The following ESRRG variants were observed in gnomAD, a reference collection of about 807,000 sequenced individuals.
The protein encoded by ESRRG is estrogen related receptor gamma, also known as estrogen-related receptor gamma.
In ESRRG, 13 loss-of-function variants were observed where a neutral mutation model predicts 44.0. The ratio of observed to expected loss-of-function variants is 0.30; its 90% CI spans 0.19 to 0.47. The LOEUF (loss-of-function observed/expected upper bound fraction) is 0.47. ESRRG is among the 20% of genes least tolerant of loss of function. The probability of loss-of-function intolerance (pLI) is 1.00; values close to 1 mark genes in which losing one functional copy is unlikely to be tolerated. For synonymous variants in ESRRG, 215 were observed against 214.6 expected (o/e 1.00, Z -0.02); for missense variants, 395 against 580.6 (o/e 0.68, Z 3.29).
At chr1:216,672,006 C>CA (rs1157267709) in intron 2 of ESRRG, among the ~76,000 whole-genome samples, 59 of 138,586 alleles carry the variant, frequency 4.3e-4, no homozygotes, top group African/African-American at 9.6e-4. Context: ...GAGAAGTTCC[C>CA]AAAAAAAAAG....
At chr1:216,760,266 A>C (rs17630096) in intron 2 of ESRRG, among the ~76,000 whole-genome samples, 4 of 151,650 alleles carry the variant, frequency 2.6e-5, no homozygotes, top group Non-Finnish European at 5.9e-5. Flanking sequence ...CCAATAAAAA[A>C]ATCTCAAATT....
intron 5 of ESRRG, among the ~76,000 whole-genome samples, chr1:216,562,422 C>T (rs144245998): frequency 1.2e-4 from 18 of 152,204 alleles, no homozygotes; most frequent in African/African-American, 3.6e-4. Context: ...CTCAAATCTC[C>T]TTATCTTTGA....
At chr1:216,737,595 T>C (rs2090116374) in intron 2 of ESRRG, among the ~76,000 whole-genome samples, 2 of 152,128 alleles carry the variant, frequency 1.3e-5, no homozygotes, top group African/African-American at 4.8e-5. Flanking sequence ...GCCCAGGTCC[T>C]GGAATCATTA....
chr1:216,550,105 C>T (rs2055826769), intron 5 of ESRRG, among the ~76,000 whole-genome samples: 3 of 152,112 alleles, frequency 2.0e-5, no homozygotes, highest in Admixed American at 6.6e-5. Flanking sequence ...GCATGAACCG[C>T]TAGGAATAAT....
At chr1:216,953,595 T>C (rs1008899001) in intron 1 of ESRRG, among the ~76,000 whole-genome samples, 24 of 152,080 alleles carry the variant, frequency 1.6e-4, no homozygotes, top group African/African-American at 5.3e-4. Context: ...CCTGCTTGCT[T>C]TCCTTTGAAC....
chr1:216,758,442 G>A (rs1301935726), intron 2 of ESRRG, among the ~76,000 whole-genome samples: 1 of 152,018 alleles, frequency 6.6e-6, no homozygotes, highest in East Asian at 1.9e-4. Context: ...TTAATCTATT[G>A]CAAGTCAAGG....
intron 1 of ESRRG, among the ~76,000 whole-genome samples, chr1:217,083,883 A>G (rs762619501): frequency 6.6e-6 from 1 of 152,220 alleles, no homozygotes; most frequent in Non-Finnish European, 1.5e-5. Flanking sequence ...AAGAAAAGCT[A>G]TAACTTGCTA....
At chr1:216,997,503 T>C (rs1229570723) in intron 1 of ESRRG, among the ~76,000 whole-genome samples, 1 of 152,220 alleles carries the variant, frequency 6.6e-6, no homozygotes, top group African/African-American at 2.4e-5. Flanking sequence ...AGGAACATGG[T>C]TCTACTGAGT....
chr1:216,723,716 T>C (rs2086895438), upstream of ESRRG, among the ~76,000 whole-genome samples: 2 of 151,216 alleles, frequency 1.3e-5, no homozygotes, highest in Non-Finnish European at 1.5e-5. Context: ...TGATTTTTTT[T>C]CCTCCCTTCT....
chr1:216,559,328 A>G (rs1397129401), intron 5 of ESRRG, among the ~76,000 whole-genome samples: 1 of 152,250 alleles, frequency 6.6e-6, no homozygotes, highest in Non-Finnish European at 1.5e-5. Flanking sequence ...CTGAAAAAAG[A>G]GGCTACAAGT....
intron 1 of ESRRG, among the ~76,000 whole-genome samples, chr1:216,721,375 A>T (rs977040320): frequency 6.6e-6 from 1 of 152,242 alleles, no homozygotes; most frequent in African/African-American, 2.4e-5. Flanking sequence ...TCTGTGGTTT[A>T]TTAATTGAGA....
intron 2 of ESRRG, among the ~76,000 whole-genome samples, chr1:216,742,075 G>C (rs888370819): frequency 3.3e-5 from 5 of 152,040 alleles, no homozygotes; most frequent in African/African-American, 1.2e-4. Context: ...TTCATAACCT[G>C]ACCCAAACCC....
intron 1 of ESRRG, among the ~76,000 whole-genome samples, chr1:217,046,468 C>G (rs1417548430): frequency 6.6e-6 from 1 of 152,196 alleles, no homozygotes; most frequent in African/African-American, 2.4e-5. Context: ...CAAGAATCTT[C>G]TAATTATTTA....
chr1:216,569,111 A>AG lies in ESRRG; in HGVS notation c.590-1014dup, dbSNP rs1553355981. Among the ~76,000 whole-genome samples, 116 of 104,412 alleles carry AG rather than the reference A, an allele frequency of 1.1e-3. 2 individuals are homozygous for AG. The highest frequency in any genetic ancestry group is 3.7e-3 in the East Asian group (14 of 3,768). The allele number at this position is 104,412 out of a possible 152,430, so 68.5% of individuals were successfully genotyped here. ...AAGGAAGGAAGGAAGGAAGGAAGGA[A>AG]GAAGGAAGGAAGGAAGGAAGGAAAG... is the stretch of plus-strand genomic sequence containing the variant. On this transcript the variant is annotated intron_variant, in intron 3 of 6. Transcript: ENST00000408911.
At chr1:217,077,813 T>G (rs1054961162) in intron 1 of ESRRG, among the ~76,000 whole-genome samples, 6 of 152,222 alleles carry the variant, frequency 3.9e-5, no homozygotes, top group African/African-American at 4.8e-5. Flanking sequence ...GCTAACTTGT[T>G]TCTCAAGATG....
chr1:216,702,776 C>CA (rs5780911), intron 1 of ESRRG, among the ~76,000 whole-genome samples: 45,301 of 94,880 alleles, frequency 0.48, 9,608 homozygotes, highest in East Asian at 0.65. Flanking sequence ...GACTCTGCCT[C>CA]AAAAAAAAAA....
At chr1:216,612,132 G>A (rs972971127) in intron 3 of ESRRG, among the ~76,000 whole-genome samples, 6 of 152,170 alleles carry the variant, frequency 3.9e-5, no homozygotes, top group African/African-American at 1.4e-4. Context: ...TAACCCAGGT[G>A]AGAAAGGGAA....
chr1:216,906,952 A>C (rs1470000274), intron 2 of ESRRG, among the ~76,000 whole-genome samples: 1 of 152,178 alleles, frequency 6.6e-6, no homozygotes, highest in African/African-American at 2.4e-5. Flanking sequence ...GTATATATTG[A>C]TAACTGTCTG....
chr1:216,875,846 T>C (rs2096343203), intron 2 of ESRRG, among the ~76,000 whole-genome samples: 1 of 151,658 alleles, frequency 6.6e-6, no homozygotes, highest in African/African-American at 2.4e-5. Flanking sequence ...TTTTCCAGAG[T>C]GGTTTTCCCA....
Sources: gnomAD v4.1 joint callset for allele counts (sites outside exome capture counted in the v4.1 genomes callset) on GRCh38, gnomAD v4.1.1 for gene constraint, MANE v1.5 for transcripts, NCBI Gene and HGNC (gene_info 2026-07-23, HGNC 2026-07-21) for gene names.